Variants in VPS13B observed in about 807,000 individuals in gnomAD.
VPS13B encodes the protein intermembrane lipid transfer protein VPS13B.
A neutral mutation model predicts 426.4 loss-of-function variants in VPS13B; 285 were observed. The ratio of observed to expected loss-of-function variants is 0.67; its 90% CI spans 0.61 to 0.74. The LOEUF is 0.74. VPS13B is among the 30% of genes least tolerant of loss of function. The probability of loss-of-function intolerance (pLI) is 0.00; values close to 1 mark genes in which losing one functional copy is unlikely to be tolerated. For synonymous variants in VPS13B, 1,676 were observed against 1,676.4 expected (o/e 1.00, Z 0.01); for missense variants, 4,537 against 4,782.6 (o/e 0.95, Z 1.51).
chr8:99,588,860 A>T (rs1404439721), intron 33 of VPS13B, among the ~76,000 whole-genome samples: 1 of 151,712 alleles, frequency 6.6e-6, no homozygotes, highest in Admixed American at 6.6e-5. Flanking sequence ...GTTGAATAGG[A>T]GTGGTGAGAG....
chr8:99,334,965 C>T (rs1345898189), intron 19 of VPS13B, among the ~76,000 whole-genome samples: 1 of 152,034 alleles, frequency 6.6e-6, no homozygotes, highest in Non-Finnish European at 1.5e-5. Flanking sequence ...CGGTAGAATT[C>T]GGCTGTAAAT....
At chr8:99,154,213 T>C (rs1274355394) in intron 14 of VPS13B, among the ~76,000 whole-genome samples, 1 of 151,940 alleles carries the variant, frequency 6.6e-6, no homozygotes, top group Admixed American at 6.6e-5. Context: ...CCTGGGTTTC[T>C]AATTTGGTGT....
intron 15 of VPS13B, among the ~76,000 whole-genome samples, chr8:99,167,978 G>A (rs1812109450): frequency 6.6e-6 from 1 of 152,102 alleles, no homozygotes; most frequent in Admixed American, 6.5e-5. Flanking sequence ...AGTATTTATA[G>A]TCTTGGTCAA....
At chr8:99,772,207 T>C (rs1291703389) in intron 40 of VPS13B, among the ~76,000 whole-genome samples, 4 of 125,778 alleles carry the variant, frequency 3.2e-5, no homozygotes, top group African/African-American at 1.2e-4. Flanking sequence ...TTACTCTTCC[T>C]TTTTTTTTTT....
intron 44 of VPS13B, among the ~76,000 whole-genome samples, chr8:99,810,016 T>C (rs1813616542): frequency 6.6e-6 from 1 of 152,190 alleles, no homozygotes; most frequent in East Asian, 1.9e-4. Context: ...TCCTAGGAGT[T>C]AATATTAACT....
At chr8:99,755,159 C>T (rs1306552918) in intron 39 of VPS13B, among the ~76,000 whole-genome samples, 1 of 152,054 alleles carries the variant, frequency 6.6e-6, no homozygotes, top group Non-Finnish European at 1.5e-5. Context: ...CTGAGAAGGT[C>T]CTGTACTCTC....
chr8:99,126,622 G>C (rs1848193579), intron 8 of VPS13B, among the ~76,000 whole-genome samples: 1 of 152,172 alleles, frequency 6.6e-6, no homozygotes, highest in Non-Finnish European at 1.5e-5. Context: ...TAAATCTTCA[G>C]ACAACTAGTA....
intron 19 of VPS13B, among the ~76,000 whole-genome samples, chr8:99,296,274 G>A (rs1377541624): frequency 2.0e-5 from 3 of 152,084 alleles, no homozygotes; most frequent in African/African-American, 7.2e-5. Context: ...ATCAGGGCAA[G>A]GATGTGAAGA....
chr8:99,090,736 G>A (rs1230480871), intron 3 of VPS13B, among the ~76,000 whole-genome samples: 1 of 152,064 alleles, frequency 6.6e-6, no homozygotes, highest in Non-Finnish European at 1.5e-5. Context: ...GCTGAGGGAA[G>A]TTATATACAA....
intron 19 of VPS13B, among the ~76,000 whole-genome samples, chr8:99,350,240 T>C (rs1419139047): frequency 6.6e-6 from 1 of 152,192 alleles, no homozygotes; most frequent in Non-Finnish European, 1.5e-5. Context: ...AAGATAATGC[T>C]GTAGAGAAAC....
chr8:99,775,201 C>T (rs991200277), intron 40 of VPS13B, among the ~76,000 whole-genome samples: 5 of 152,098 alleles, frequency 3.3e-5, no homozygotes, highest in African/African-American at 1.2e-4. Flanking sequence ...TAAATGTCTA[C>T]GTATTGAGTA....
intron 12 of VPS13B, among the ~76,000 whole-genome samples, chr8:99,137,749 T>A (rs1563562228): frequency 6.6e-6 from 1 of 152,174 alleles, no homozygotes; most frequent in Non-Finnish European, 1.5e-5. Flanking sequence ...TTCCATGGAT[T>A]TAAGTACTTT....
chr8:99,414,165 A>G (rs1815854102), intron 21 of VPS13B, among the ~76,000 whole-genome samples: 1 of 151,756 alleles, frequency 6.6e-6, no homozygotes, highest in South Asian at 2.1e-4. Flanking sequence ...ATCATTATGT[A>G]ATGCCCTTCT....
intron 33 of VPS13B, among the ~76,000 whole-genome samples, chr8:99,619,893 A>G (rs1209462658): frequency 7.8e-5 from 8 of 102,502 alleles, no homozygotes; most frequent in Non-Finnish European, 1.6e-4. Flanking sequence ...GATGATAATA[A>G]TAATAATAAT....
chr8:99,630,571 G>GTCCC (rs879524171), intron 33 of VPS13B, among the ~76,000 whole-genome samples: 22 of 151,266 alleles, frequency 1.5e-4, no homozygotes, highest in East Asian at 5.9e-4. Flanking sequence ...CCCTTCATTT[G>GTCCC]TCCCTCCCTC....
chr8:99,038,626 C>T (rs1587947612), intron 3 of VPS13B, 60 bp downstream of exon 3: 1 of 1,317,732 alleles, frequency 7.6e-7, no homozygotes, highest in Non-Finnish European at 1.0e-6. Flanking sequence ...TTTGACATTT[C>T]TTTACCTTTT....
intron 43 of VPS13B, among the ~76,000 whole-genome samples, chr8:99,803,416 G>A (rs1813233508): frequency 6.6e-6 from 1 of 152,140 alleles, no homozygotes; most frequent in Non-Finnish European, 1.5e-5. Flanking sequence ...ATCACACCCT[G>A]AATGATTTAG....
intron 30 of VPS13B, among the ~76,000 whole-genome samples, chr8:99,554,429 G>A (rs914706841): frequency 1.3e-5 from 2 of 152,064 alleles, no homozygotes; most frequent in Non-Finnish European, 2.9e-5. Context: ...CAAAAGTTTA[G>A]TCTTTTAAAG....
chr8:99,116,876 T>C (rs1369771308), intron 7 of VPS13B, among the ~76,000 whole-genome samples: 1 of 152,236 alleles, frequency 6.6e-6, no homozygotes, highest in African/African-American at 2.4e-5. Flanking sequence ...GTATACTTCA[T>C]TGAAGGATAT....
Sources: gnomAD v4.1 joint callset for allele counts (sites outside exome capture counted in the v4.1 genomes callset) on GRCh38, gnomAD v4.1.1 for gene constraint, MANE v1.5 for transcripts, NCBI Gene and HGNC (gene_info 2026-07-23, HGNC 2026-07-21) for gene names.